The following RBFOX1 variants were observed in gnomAD, a reference collection of about 807,000 sequenced individuals.
RBFOX1 encodes the protein RNA binding protein fox-1 homolog 1.
A neutral mutation model predicts 57.7 loss-of-function variants in RBFOX1; 8 were observed. The ratio of observed to expected loss-of-function variants is 0.14; its 90% CI spans 0.08 to 0.25. The LOEUF is 0.25. RBFOX1 is among the 10% of genes least tolerant of loss of function. RBFOX1 has a pLI of 1.00. For missense variants in RBFOX1, 611 were observed against 548.5 expected, an observed-to-expected ratio of 1.11 and a Z score of -1.14; for synonymous variants, 326 against 222.4, an observed-to-expected ratio of 1.47 and a Z score of -4.15.
chr16:7,385,004 G>A (rs2097852565), intron 4 of RBFOX1, among the ~76,000 whole-genome samples: 1 of 152,190 alleles, frequency 6.6e-6, no homozygotes, highest in African/African-American at 2.4e-5. Flanking sequence ...GGCAAATCAT[G>A]CCAAGGCAGA....
chr16:7,683,010 G>GTGTA lies in RBFOX1; in HGVS notation c.995+6173_995+6174insGTAT. ...TTAATACTTCTATGTGTGTGTGTGT[G>GTGTA]TATATATATATATATATATATATAA... is the stretch of plus-strand genomic sequence containing the variant. On this transcript the variant is annotated intron_variant, in intron 14 of 15. Coordinates refer to ENST00000550418, the MANE Select transcript of RBFOX1 (RefSeq NM_018723.4). Among the ~76,000 whole-genome samples, 13 of 4,904 alleles carry GTGTA rather than the reference G, an allele frequency of 2.7e-3. 4 individuals carry two copies. Among genetic ancestry groups the GTGTA allele is most frequent in the African/African-American group, 5.4e-3 (13 of 2,388 alleles). 3.2% of individuals were successfully genotyped at this position (4,904 alleles called of 152,430 possible).
intron 2 of RBFOX1, among the ~76,000 whole-genome samples, chr16:6,533,746 C>A (rs1249440529): frequency 6.6e-6 from 1 of 152,122 alleles, no homozygotes; most frequent in African/African-American, 2.4e-5. Flanking sequence ...GGTTGCAGAC[C>A]TGACTACAAA....
intron 3 of RBFOX1, among the ~76,000 whole-genome samples, chr16:5,657,630 TTC>T (rs2049475135): frequency 1.6e-5 from 1 of 61,694 alleles, no homozygotes; most frequent in African/African-American, 7.1e-5. Context: ...CTCTCTTTCT[TTC>T]TTTCTTTCTT....
At chr16:6,630,813 G>GT (rs1158829845) in intron 2 of RBFOX1, among the ~76,000 whole-genome samples, 11 of 152,140 alleles carry the variant, frequency 7.2e-5, no homozygotes, top group African/African-American at 2.7e-4. Context: ...CGTTACAGGA[G>GT]TTAAGAAAGA....
chr16:7,367,818 G>A lies in RBFOX1; in HGVS notation c.28-150329G>A, dbSNP rs183458661. Among the ~76,000 whole-genome samples, 152 of 152,020 alleles carry A rather than the reference G, an allele frequency of 1.0e-3. 1 individual carries two copies. The highest frequency in any genetic ancestry group is 3.0e-3 in the African/African-American group (124 of 41,470). ...AGGTAAAAATCCAGATTTTTGTGGG[G>A]ATATTCATTATGATGATATATATAT... On this transcript the variant is annotated intron_variant, in intron 4 of 15. Coordinates refer to ENST00000550418, the MANE Select transcript of RBFOX1 (RefSeq NM_018723.4).
intron 4 of RBFOX1, among the ~76,000 whole-genome samples, chr16:7,362,507 GT>G (rs201760759): frequency 1.4e-5 from 2 of 147,982 alleles, no homozygotes; most frequent in East Asian, 4.1e-4. Context: ...GTATGTGCAT[GT>G]TTTTTGTGTG....
intron 4 of RBFOX1, among the ~76,000 whole-genome samples, chr16:6,007,776 A>T (rs1026114428): frequency 6.6e-6 from 1 of 152,146 alleles, no homozygotes; most frequent in African/African-American, 2.4e-5. Flanking sequence ...TTTGAGCTGG[A>T]GATATGGGTA....
intron 3 of RBFOX1, among the ~76,000 whole-genome samples, chr16:6,806,368 G>GAA (rs1285404082): frequency 6.6e-6 from 1 of 152,142 alleles, no homozygotes; most frequent in Non-Finnish European, 1.5e-5. Flanking sequence ...GATGGAATGA[G>GAA]AAACTGGTCT....
rs564605066 is a variant in RBFOX1 at position 6,754,592 on chromosome 16, C to A, written c.-16+99942C>A. On this transcript the variant is annotated intron_variant, in intron 3 of 15. Transcript: ENST00000550418. ...CAAATTGGCCTCCACTAATTTTTTG[C>A]ATTGGTTGTGTCTTGTTGAATTTTT... Among the ~76,000 whole-genome samples the A allele has an allele frequency of 3.3e-5, 5 of 152,180 alleles. No individual in the cohort carries two copies. The South Asian group carries it at 1.0e-3, about 32-fold the overall frequency.
chr16:7,211,599 T>C (rs1274168915), intron 4 of RBFOX1, among the ~76,000 whole-genome samples: 1 of 152,104 alleles, frequency 6.6e-6, no homozygotes, highest in Non-Finnish European at 1.5e-5. Context: ...GAAAGAGTTG[T>C]TGAAATCTAG....
chr16:5,395,825 C>G (rs991921889), intron 1 of RBFOX1, among the ~76,000 whole-genome samples: 1 of 152,224 alleles, frequency 6.6e-6, no homozygotes, highest in African/African-American at 2.4e-5. Flanking sequence ...TTGGGAGAAG[C>G]CCATGTAGCA....
chr16:7,199,327 G>GT (rs35649556), intron 4 of RBFOX1, among the ~76,000 whole-genome samples: 63,769 of 151,636 alleles, frequency 0.42, 13,822 homozygotes, highest in Non-Finnish European at 0.47. Flanking sequence ...TGTTTAAAGG[G>GT]TTTTTTTTCT....
At chr16:5,634,949 C>G (rs903725632) in intron 3 of RBFOX1, among the ~76,000 whole-genome samples, 1 of 152,180 alleles carries the variant, frequency 6.6e-6, no homozygotes, top group Admixed American at 6.5e-5. Flanking sequence ...GCACCTTCCC[C>G]TATACCAATT....
chr16:5,858,678 G>C (rs2057132730), intron 3 of RBFOX1, among the ~76,000 whole-genome samples: 1 of 152,224 alleles, frequency 6.6e-6, no homozygotes, highest in Non-Finnish European at 1.5e-5. Context: ...GAGAAACCTT[G>C]TGCGTTTTCT....
At chr16:6,017,409 T>G (rs2095001410), upstream of RBFOX1, among the ~76,000 whole-genome samples, 1 of 152,220 alleles carries the variant, frequency 6.6e-6, no homozygotes, top group Non-Finnish European at 1.5e-5. Flanking sequence ...TACATTTAAA[T>G]TCGGCGGTTT....
intron 2 of RBFOX1, among the ~76,000 whole-genome samples, chr16:5,526,948 G>C (rs1391414135): frequency 6.6e-6 from 1 of 152,198 alleles, no homozygotes; most frequent in Non-Finnish European, 1.5e-5. Flanking sequence ...TGCAAAATGG[G>C]AGTGATGACA....
intron 4 of RBFOX1, among the ~76,000 whole-genome samples, chr16:7,259,327 C>T (rs2094824561): frequency 6.6e-6 from 1 of 152,168 alleles, no homozygotes; most frequent in Non-Finnish European, 1.5e-5. Context: ...CAGGCACACA[C>T]ATGCAAATTA....
At chr16:6,008,503 C>A (rs1209858269) in intron 4 of RBFOX1, among the ~76,000 whole-genome samples, 1 of 152,056 alleles carries the variant, frequency 6.6e-6, no homozygotes, top group African/African-American at 2.4e-5. Context: ...ATGTGGATTA[C>A]CATTTTCTAA....
intron 4 of RBFOX1, among the ~76,000 whole-genome samples, chr16:7,486,797 G>T (rs1045356287): frequency 4.6e-5 from 7 of 152,150 alleles, no homozygotes; most frequent in South Asian, 2.1e-4. Flanking sequence ...CAATAGTCAG[G>T]GTTCCAACAT....
Sources: allele counts gnomAD v4.1 joint callset (sites outside exome capture counted in the v4.1 genomes callset), GRCh38; gene constraint gnomAD v4.1.1; transcripts MANE v1.5; gene names NCBI Gene and HGNC (gene_info 2026-07-23, HGNC 2026-07-21).